The following SH3BP5 variants were observed in gnomAD, a reference collection of about 807,000 sequenced individuals.
SH3BP5 encodes the protein SH3 domain-binding protein 5.
Under a neutral mutation model 43.3 loss-of-function variants are expected in SH3BP5, and 22 were observed. The ratio of observed to expected loss-of-function variants is 0.51; its 90% confidence interval spans 0.36 to 0.73. The LOEUF (loss-of-function observed/expected upper bound fraction) is 0.73, where lower values mean the gene tolerates loss of function less well. Among genes scored for constraint, SH3BP5 ranks in the 30% least tolerant of loss-of-function variants. The pLI is 0.00. For missense variants in SH3BP5, 529 were observed against 586.9 expected (o/e 0.90, Z 1.02); for synonymous variants, 255 against 225.8 (o/e 1.13, Z -1.16).
chr3:15,320,640 A>ACACACACACACC lies in SH3BP5; in HGVS notation c.201+9863_201+9864insGGTGTGTGTGTG, dbSNP rs373879792. Reference sequence around the variant, plus strand: ...CACACACACACACACACACACACACACCCCACTACGTTAAAGTCCCTACAA... The same window carrying ACACACACACACC: ...CACACACACACACACACACACACACACACACACACACCCCCCACTACGTTAAAGTCCCTACAA... On this transcript the variant is annotated intron_variant, in intron 2 of 8. Coordinates refer to ENST00000383791, the MANE Select transcript of SH3BP5 (RefSeq NM_004844.5). 2.7e-3 allele frequency among the ~76,000 whole-genome samples: 398 copies of ACACACACACACC among 149,652 alleles called. 1 individual carries two copies. Among genetic ancestry groups the ACACACACACACC allele is most frequent in the African/African-American group, 9.3e-3 (374 of 40,300 alleles).
At chr3:15,336,442 G>C (rs1030010861), upstream of SH3BP5, among the ~76,000 whole-genome samples, 1 of 152,164 alleles carries the variant, frequency 6.6e-6, no homozygotes, top group African/African-American at 2.4e-5. Flanking sequence ...TGACTCGGTG[G>C]ACATTGAGGA....
At chr3:15,289,572 G>T (rs191281139) in intron 3 of SH3BP5, among the ~76,000 whole-genome samples, 1 of 152,188 alleles carries the variant, frequency 6.6e-6, no homozygotes, top group Non-Finnish European at 1.5e-5. Flanking sequence ...CGGAATCCTT[G>T]TGTGTTTAGG....
Position 15,330,551 on chromosome 3 carries a change from AC to A in SH3BP5, c.153del (p.Lys51AsnfsTer2). The part of the protein sequence containing the change: ...VDPRIQGELE[K>X]LNQSTDDINR... ...TTGATATCATCCGTGGACTGATTTA[AC>A]TTCTCCAGTTCTCCCTGGTGAAGAA... On this transcript the variant is annotated frameshift_variant, in exon 2 of 9. Coordinates refer to ENST00000383791, the MANE Select transcript of SH3BP5 (RefSeq NM_004844.5). LOFTEE classifies it high-confidence loss of function. The A allele has an allele frequency of 6.2e-7, 1 of 1,607,806 alleles. No individual in the cohort carries two copies. The highest frequency in any genetic ancestry group is 2.2e-5 in the East Asian group (1 of 44,736).
At chr3:15,267,703 G>T (rs767867772) in intron 4 of SH3BP5, among the ~76,000 whole-genome samples, 7 of 152,272 alleles carry the variant, frequency 4.6e-5, no homozygotes, top group Admixed American at 6.5e-5. Flanking sequence ...TCCAAAAAGC[G>T]CTATTCCCAA....
At chr3:15,268,025 T>C (rs144032027) in intron 4 of SH3BP5, among the ~76,000 whole-genome samples, 72 of 152,328 alleles carry the variant, frequency 4.7e-4, no homozygotes, top group Non-Finnish European at 8.1e-4. Flanking sequence ...GCTTGTGAAC[T>C]TCCAAGATTT....
intron 4 of SH3BP5, among the ~76,000 whole-genome samples, chr3:15,266,700 T>C (rs1696655334): frequency 6.6e-6 from 1 of 152,202 alleles, no homozygotes; most frequent in South Asian, 2.1e-4. Flanking sequence ...CTACTTGTAT[T>C]TTCCAGAGTC....
At chr3:15,260,108 G>A in intron 5 of SH3BP5, 1 of 432,030 alleles carries the variant, frequency 2.3e-6, no homozygotes, top group Non-Finnish European at 4.2e-6. Flanking sequence ...TCTGTGGGAA[G>A]GCTGTTCAGA....
At chr3:15,329,562 C>T (rs920318904) in intron 2 of SH3BP5, among the ~76,000 whole-genome samples, 1 of 152,198 alleles carries the variant, frequency 6.6e-6, no homozygotes, top group African/African-American at 2.4e-5. Context: ...CCAGGGCCTA[C>T]GCACGCAGCA....
Position 15,258,941 on chromosome 3 carries a change from C to A in SH3BP5, c.779G>T (p.Arg260Leu). 6.2e-7 allele frequency: 1 copy of A among 1,614,202 alleles called. No individual in the cohort carries two copies. Among genetic ancestry groups the A allele is most frequent in the Non-Finnish European group, 8.5e-7 (1 of 1,180,024 alleles). ...AGGCCCCATGGCACTGGAGCGCCGC[C>A]GCTCGTGGATCTCATCTGAGATCAT... ...LEMISDEIHERRRSSAMGPRG... is the reference protein window; with the variant it reads ...LEMISDEIHELRRSSAMGPRG... The change falls in exon 7 of 9, where the codon CGG becomes CTG. Residue 260 changes from arginine to leucine, a missense_variant. By Grantham distance (102) the Arg-to-Leu change is moderately radical (BLOSUM62 -2). Coordinates refer to ENST00000383791, the MANE Select transcript of SH3BP5 (RefSeq NM_004844.5).
intron 5 of SH3BP5, 190 bp from the exon 6 acceptor site, chr3:15,259,993 C>G: frequency 1.6e-6 from 1 of 616,756 alleles, no homozygotes; most frequent in South Asian, 1.9e-5. Context: ...CCAGATGGAA[C>G]GACTGGGCTC....
At chr3:15,313,465 C>G (rs1273313760) in intron 2 of SH3BP5, among the ~76,000 whole-genome samples, 1 of 152,222 alleles carries the variant, frequency 6.6e-6, no homozygotes, top group East Asian at 1.9e-4. Flanking sequence ...AACATCCTGA[C>G]TTACTGGCCA....
intron 3 of SH3BP5, among the ~76,000 whole-genome samples, chr3:15,294,860 T>C (rs1442615114): frequency 6.6e-6 from 1 of 152,194 alleles, no homozygotes; most frequent in African/African-American, 2.4e-5. Flanking sequence ...CACCCTCAGC[T>C]GTCCATGCTG....
At chr3:15,288,548 C>T (rs9850254) in intron 3 of SH3BP5, among the ~76,000 whole-genome samples, 5 of 152,080 alleles carry the variant, frequency 3.3e-5, no homozygotes, top group Admixed American at 2.0e-4. Context: ...GCTTCAGCTC[C>T]GGAGTTCAAG....
chr3:15,308,131 T>A (rs925811593), intron 2 of SH3BP5, among the ~76,000 whole-genome samples: 1 of 152,318 alleles, frequency 6.6e-6, no homozygotes, highest in South Asian at 2.1e-4. Flanking sequence ...GAATCACTCA[T>A]TCAGGTTCCC....
intron 4 of SH3BP5, among the ~76,000 whole-genome samples, chr3:15,267,823 G>T (rs1696686012): frequency 1.3e-5 from 2 of 152,192 alleles, no homozygotes; most frequent in African/African-American, 4.8e-5. Flanking sequence ...AAAAATGAGA[G>T]ATACACAAAG....
intron 2 of SH3BP5, among the ~76,000 whole-genome samples, chr3:15,319,223 G>A (rs755974605): frequency 3.3e-5 from 5 of 152,120 alleles, no homozygotes; most frequent in Non-Finnish European, 5.9e-5. Context: ...AATTCCCTAT[G>A]GCAAGGCCCA....
intron 3 of SH3BP5, among the ~76,000 whole-genome samples, chr3:15,294,367 TAA>T (rs1445653334): frequency 1.3e-5 from 2 of 151,196 alleles, no homozygotes; most frequent in African/African-American, 4.9e-5. Context: ...CTCATGCATG[TAA>T]AACACTTAGA....
intron 3 of SH3BP5, among the ~76,000 whole-genome samples, chr3:15,280,336 G>A (rs544885321): frequency 6.6e-6 from 1 of 151,994 alleles, no homozygotes; most frequent in African/African-American, 2.4e-5. Context: ...CTGGCCAGGT[G>A]CAAGGCAGGG....
At chr3:15,318,721 C>T (rs1698245521) in intron 2 of SH3BP5, among the ~76,000 whole-genome samples, 1 of 152,120 alleles carries the variant, frequency 6.6e-6, no homozygotes, top group African/African-American at 2.4e-5. Context: ...CACTGCAATA[C>T]CTGGTTACTA....
Sources: allele counts gnomAD v4.1 joint callset (sites outside exome capture counted in the v4.1 genomes callset), GRCh38; gene constraint gnomAD v4.1.1; transcripts MANE v1.5; gene names NCBI Gene and HGNC (gene_info 2026-07-23, HGNC 2026-07-21).